DAGLA: variants seen among roughly 807,000 people sequenced by gnomAD.
DAGLA encodes the protein diacylglycerol lipase-alpha.
A neutral mutation model predicts 102.6 loss-of-function variants in DAGLA; 22 were observed. The observed-to-expected ratio is 0.21, with a 90% confidence interval of 0.15 to 0.31. The LOEUF is 0.31. Ranked by LOEUF, DAGLA falls within the 10% of genes least tolerant of loss-of-function variation. DAGLA has a pLI of 1.00. For missense variants in DAGLA, 927 were observed against 1,446.6 expected, an observed-to-expected ratio of 0.64 and a Z score of 5.83; for synonymous variants, 578 against 628.9, an observed-to-expected ratio of 0.92 and a Z score of 1.21.
Position 61,737,162 on chromosome 11 carries a change from A to C in DAGLA, c.1372-20A>C, listed in dbSNP as rs2065430024. The C allele has an allele frequency of 2.5e-6, 4 of 1,612,972 alleles. No individual in the cohort carries two copies. The South Asian group carries it at 3.3e-5, about 13-fold the overall frequency. On this transcript the variant is annotated intron_variant, in intron 13 of 19. Transcript: ENST00000257215. ...TGGCGGGCATTGGGGCAGGGCTCTC[A>C]GGCTTCTCTCGGTCTCCAGGGCCGC...
In DAGLA at chr11:61,746,544, T is replaced by TGGGGCA. The variant is rs2065541012; in HGVS notation, c.*2058_*2063dup. The TGGGGCA allele has an allele frequency of 6.6e-6, 1 of 152,554 alleles. No individual in the cohort carries two copies. The highest frequency in any genetic ancestry group is 1.5e-5 in the Non-Finnish European group (1 of 68,042). 9.5% of individuals were successfully genotyped at this position (152,554 alleles called of 1,614,324 possible). On this transcript the variant is annotated 3_prime_UTR_variant, in exon 20 of 20. Coordinates refer to ENST00000257215, the MANE Select transcript of DAGLA (RefSeq NM_006133.3). ...CCACACCATGTTTCAGGCTTGGGGC[T>TGGGGCA]GGGGCAGGCTTGGGCTCAATCCTGG...
Position 61,744,031 on chromosome 11 carries a change from T to C in DAGLA, c.2671T>C (p.Ser891Pro). Residue 891 changes from serine (S) to proline (P), a missense_variant, in exon 20 of 20, where the codon TCC becomes CCC. Coordinates refer to ENST00000257215, the MANE Select transcript of DAGLA (RefSeq NM_006133.3). The part of the protein sequence containing the change: ...EVGGGGGGPA[S>P]RGELALHNGR... ...TGGCGGTGGGGGTGGCGGGCCGGCCTCCCGCGGGGAGCTGGCGCTGCACAA... is the reference window on the plus strand; with the variant it reads ...TGGCGGTGGGGGTGGCGGGCCGGCCCCCCGCGGGGAGCTGGCGCTGCACAA... 1 of 1,612,160 alleles carries C rather than the reference T, an allele frequency of 6.2e-7. No individual in the cohort carries two copies. The highest frequency in any genetic ancestry group is 8.5e-7 in the Non-Finnish European group (1 of 1,179,710).
At chr11:61,706,461 T>G (rs978499858) in intron 1 of DAGLA, among the ~76,000 whole-genome samples, 3 of 152,184 alleles carry the variant, frequency 2.0e-5, no homozygotes, top group African/African-American at 7.2e-5. Context: ...GCCATCTCCC[T>G]CAGTGTTGGG....
chr11:61,743,238 A>G (rs1009809836), intron 19 of DAGLA, among the ~76,000 whole-genome samples: 2 of 151,604 alleles, frequency 1.3e-5, no homozygotes, highest in Non-Finnish European at 2.9e-5. Context: ...GGTGGCGGGC[A>G]CCTGTAGTCC....
chr11:61,741,159 C>G lies in DAGLA; in HGVS notation c.1984-3C>G. 1 of 1,611,030 alleles carries G rather than the reference C, an allele frequency of 6.2e-7. No homozygotes were observed. The highest frequency in any genetic ancestry group is 8.5e-7 in the Non-Finnish European group (1 of 1,179,462). ...CCCCCAGCCTCCTCTGTCCTGTCCT[C>G]AGGTGCTGGAGAACTACAACAAGGG... is the stretch of plus-strand genomic sequence containing the variant. On this transcript the variant is annotated splice_region_variant and splice_polypyrimidine_tract_variant and intron_variant, in intron 18 of 19. Coordinates refer to ENST00000257215, the MANE Select transcript of DAGLA (RefSeq NM_006133.3).
chr11:61,722,526 C>T (rs2065292906), intron 3 of DAGLA, among the ~76,000 whole-genome samples: 1 of 152,190 alleles, frequency 6.6e-6, no homozygotes, highest in African/African-American at 2.4e-5. Flanking sequence ...GCAGAGGTTG[C>T]AGTGAGTCAA....
chr11:61,731,639 C>G (rs936355799), intron 9 of DAGLA, among the ~76,000 whole-genome samples, 198 bp downstream of exon 9: 5 of 152,174 alleles, frequency 3.3e-5, no homozygotes, highest in African/African-American at 1.2e-4. Flanking sequence ...GTTATGGGTT[C>G]GAATCCAGAT....
rs1350255122 is a variant in DAGLA at position 61,745,338 on chromosome 11, G to A, written c.*849G>A. ...GCAGAGTCAGTGCCCTGGGTGGAAG[G>A]AAGGCACTGAGAGCCCCCTTCCTCT... On this transcript the variant is annotated 3_prime_UTR_variant, in exon 20 of 20. Coordinates refer to ENST00000257215, the MANE Select transcript of DAGLA (RefSeq NM_006133.3). 6.6e-6 allele frequency: 1 copy of A among 152,504 alleles called. No homozygotes were observed. Among genetic ancestry groups the A allele is most frequent in the Admixed American group, 6.5e-5 (1 of 15,286 alleles). The allele number at this position is 152,504 out of a possible 1,614,324, so 9.4% of individuals were successfully genotyped here. A position where few individuals can be genotyped will look rare whatever the true frequency, so the allele number is the denominator to read the frequency against.
intron 1 of DAGLA, among the ~76,000 whole-genome samples, chr11:61,716,380 C>T (rs2065235939): frequency 6.6e-6 from 1 of 152,106 alleles, no homozygotes; most frequent in African/African-American, 2.4e-5. Context: ...GAGGAGGTGA[C>T]TTTTAGCTGA....
At chr11:61,715,953 A>G (rs1445504723) in intron 1 of DAGLA, among the ~76,000 whole-genome samples, 2 of 152,032 alleles carry the variant, frequency 1.3e-5, no homozygotes, top group Non-Finnish European at 2.9e-5. Context: ...GGGGGGGGAG[A>G]GGGTTCTCCC....
chr11:61,744,056 A>G lies in DAGLA; in HGVS notation c.2696A>G (p.Asn899Ser), dbSNP rs190674427. The change falls in exon 20 of 20, where the codon AAT becomes AGT. Residue 899 changes from asparagine (N) to serine (S), a missense_variant. Physicochemically the swap from Asn to Ser is conservative, Grantham distance 46 (BLOSUM62 1). Transcript: ENST00000257215. ...PASRGELALH[N>S]GRLGDSPSPQ... is the part of the protein sequence containing the mutation. ...TCCCGCGGGGAGCTGGCGCTGCACA[A>G]TGGGCGCCTGGGGGACTCGCCCAGT... 20 of 1,612,604 alleles carry G rather than the reference A, an allele frequency of 1.2e-5. No homozygotes were observed. Among genetic ancestry groups the G allele is most frequent in the East Asian group, 2.2e-5 (1 of 44,876 alleles).
At chr11:61,697,330 G>A (rs374201738) in intron 1 of DAGLA, among the ~76,000 whole-genome samples, 1 of 152,210 alleles carries the variant, frequency 6.6e-6, no homozygotes, top group Non-Finnish European at 1.5e-5. Flanking sequence ...GGGCCAGGGC[G>A]AGGGAAGGCC....
intron 1 of DAGLA, among the ~76,000 whole-genome samples, chr11:61,705,677 C>G (rs1386907911): frequency 1.3e-5 from 2 of 152,238 alleles, no homozygotes; most frequent in African/African-American, 4.8e-5. Context: ...GGGCTGGCAC[C>G]ATGTCGGCTT....
intron 1 of DAGLA, among the ~76,000 whole-genome samples, chr11:61,712,221 C>A (rs959760559): frequency 6.6e-6 from 1 of 151,938 alleles, no homozygotes; most frequent in African/African-American, 2.4e-5. Flanking sequence ...GGCTTCAGAG[C>A]CTGACTTGGA....
intron 4 of DAGLA, 140 bp from the exon 5 acceptor site, chr11:61,723,294 G>A: frequency 5.7e-6 from 7 of 1,231,234 alleles, no homozygotes; most frequent in Non-Finnish European, 7.9e-6. Context: ...CAGAGACTGG[G>A]ACCAGGGGCT....
intron 15 of DAGLA, 21 bp downstream of exon 15, chr11:61,737,776 C>T: frequency 6.2e-7 from 1 of 1,611,240 alleles, no homozygotes; most frequent in African/African-American, 1.3e-5. Context: ...GGCCCCGCTC[C>T]ATGGTCCCTT....
At chr11:61,737,099 G>T in intron 13 of DAGLA, 83 bp from the exon 14 acceptor site, 1 of 1,575,054 alleles carries the variant, frequency 6.3e-7, no homozygotes. Context: ...AAGATGGGAA[G>T]ACCCTCTGCC....
chr11:61,711,157 G>A (rs920675653), intron 1 of DAGLA, among the ~76,000 whole-genome samples: 2 of 152,190 alleles, frequency 1.3e-5, no homozygotes, highest in South Asian at 2.1e-4. Flanking sequence ...TAGAAAGGAC[G>A]AAAACCACAG....
chr11:61,718,861 G>A (rs952318564), intron 1 of DAGLA, among the ~76,000 whole-genome samples: 1 of 152,178 alleles, frequency 6.6e-6, no homozygotes, highest in Admixed American at 6.5e-5. Context: ...ACGCCCTCTC[G>A]CCCACCCTGG....
Sources: allele counts gnomAD v4.1 joint callset (sites outside exome capture counted in the v4.1 genomes callset), GRCh38; gene constraint gnomAD v4.1.1; transcripts MANE v1.5; gene names NCBI Gene and HGNC (gene_info 2026-07-23, HGNC 2026-07-21).